CSGALNACT1: variants seen among roughly 807,000 people sequenced by gnomAD.
CSGALNACT1 encodes the protein chondroitin sulfate N-acetylgalactosaminyltransferase 1, also known as beta4GalNAcT-1.
In CSGALNACT1, 52 loss-of-function variants were observed where a neutral mutation model predicts 51.0. The ratio of observed to expected loss-of-function variants is 1.02; its 90% confidence interval spans 0.82 to 1.29. The LOEUF is 1.29. CSGALNACT1 is among the 50% of genes most tolerant of loss of function. CSGALNACT1 has a pLI of 0.00. For missense variants in CSGALNACT1, 935 were observed against 679.2 expected (o/e 1.38, Z -4.19); for synonymous variants, 341 against 254.4 (o/e 1.34, Z -3.24).
intron 1 of CSGALNACT1, among the ~76,000 whole-genome samples, chr8:19,667,986 G>A (rs1162731661): frequency 1.3e-5 from 2 of 152,106 alleles, no homozygotes; most frequent in African/African-American, 4.8e-5. Flanking sequence ...TTGAACTGAA[G>A]GAAACCTAAC....
intron 1 of CSGALNACT1, among the ~76,000 whole-genome samples, chr8:19,744,309 A>G (rs1179114153): frequency 6.6e-6 from 1 of 152,228 alleles, no homozygotes; most frequent in African/African-American, 2.4e-5. Flanking sequence ...CCTCATGCTC[A>G]GCGGACCACA....
intron 1 of CSGALNACT1, among the ~76,000 whole-genome samples, chr8:19,729,743 C>G (rs1299125217): frequency 6.6e-6 from 1 of 152,164 alleles, no homozygotes; most frequent in East Asian, 1.9e-4. Context: ...GCCCTTCCCC[C>G]TCATTTATCC....
At chr8:19,617,441 T>C (rs1416868318) in intron 1 of CSGALNACT1, among the ~76,000 whole-genome samples, 4 of 152,192 alleles carry the variant, frequency 2.6e-5, no homozygotes, top group African/African-American at 9.7e-5. Context: ...AAGAACACCC[T>C]AACACAATGT....
chr8:19,562,187 T>C (rs1319927623), intron 3 of CSGALNACT1, among the ~76,000 whole-genome samples: 22 of 152,134 alleles, frequency 1.4e-4, no homozygotes, highest in Admixed American at 6.5e-5. Context: ...CTATATCAAA[T>C]AGAACCCAGG....
At chr8:19,440,181 G>A (rs1444023645) in intron 5 of CSGALNACT1, among the ~76,000 whole-genome samples, 1 of 152,102 alleles carries the variant, frequency 6.6e-6, no homozygotes, top group African/African-American at 2.4e-5. Flanking sequence ...GGCACCTCAG[G>A]TCCAATCTGC....
chr8:19,546,864 T>G (rs1266626808), intron 3 of CSGALNACT1, among the ~76,000 whole-genome samples: 1 of 152,172 alleles, frequency 6.6e-6, no homozygotes, highest in East Asian at 1.9e-4. Context: ...GGTCCCCGGA[T>G]CAGTGTCACA....
intron 4 of CSGALNACT1, among the ~76,000 whole-genome samples, chr8:19,471,775 C>G (rs1317308612): frequency 6.6e-6 from 1 of 152,174 alleles, no homozygotes; most frequent in Non-Finnish European, 1.5e-5. Flanking sequence ...AGTGAGAAAA[C>G]TCAACGGAAG....
At chr8:19,694,475 T>C (rs2061488002) in intron 1 of CSGALNACT1, among the ~76,000 whole-genome samples, 1 of 152,198 alleles carries the variant, frequency 6.6e-6, no homozygotes. Context: ...TTAAACAAAA[T>C]AGAGAAAATT....
At chr8:19,600,499 T>C (rs2050172972) in intron 2 of CSGALNACT1, among the ~76,000 whole-genome samples, 1 of 152,104 alleles carries the variant, frequency 6.6e-6, no homozygotes, top group African/African-American at 2.4e-5. Flanking sequence ...TCCAAGTAAT[T>C]CTCAAAAACA....
rs138619425 is a variant in CSGALNACT1 at position 19,712,006 on chromosome 8, C to T, written c.-297+45844G>A. Among the ~76,000 whole-genome samples the T allele has an allele frequency of 1.1e-4, 17 of 152,120 alleles. No homozygotes were observed. In the East Asian group the frequency reaches 2.9e-3, roughly 26 times the overall value. ...TCACAGAAATAATAAGTGGTGAAGC[C>T]GGGGTTAGAACTCAGAGCTCTTTTA... On this transcript the variant is annotated intron_variant, in intron 1 of 1. Coordinates refer to the CSGALNACT1 transcript ENST00000517494.
At chr8:19,636,963 G>GCAGA (rs1294165942) in intron 1 of CSGALNACT1, among the ~76,000 whole-genome samples, 1 of 152,010 alleles carries the variant, frequency 6.6e-6, no homozygotes, top group Non-Finnish European at 1.5e-5. Context: ...GCCAAGGAAG[G>GCAGA]CAGATCACCT....
intron 3 of CSGALNACT1, among the ~76,000 whole-genome samples, chr8:19,544,955 G>GA (rs975777858): frequency 4.6e-5 from 7 of 151,122 alleles, no homozygotes; most frequent in African/African-American, 1.7e-4. Context: ...AGTTTTCAAA[G>GA]AAAAAATGGG....
intron 1 of CSGALNACT1, among the ~76,000 whole-genome samples, chr8:19,670,656 A>C (rs1225492989): frequency 3.5e-5 from 5 of 141,904 alleles, no homozygotes; most frequent in African/African-American, 1.3e-4. Flanking sequence ...AAGACAAAAA[A>C]AAAAAAAAAA....
chr8:19,412,157 C>G lies in CSGALNACT1; in HGVS notation c.1228-3463G>C, dbSNP rs1350803916. 3.9e-5 allele frequency among the ~76,000 whole-genome samples: 6 copies of G among 152,244 alleles called. No homozygotes were observed. The East Asian group carries it at 1.2e-3, about 29-fold the overall frequency. ...CTGCTATCCTCATTTTCTAAAATGT[C>G]CTCTGATAGCTGGCCTCCTCTCAAC... On this transcript the variant is annotated intron_variant, in intron 8 of 9. Transcript: ENST00000454498.
intron 1 of CSGALNACT1, among the ~76,000 whole-genome samples, chr8:19,710,419 T>A (rs1348604774): frequency 6.6e-6 from 1 of 152,186 alleles, no homozygotes; most frequent in Non-Finnish European, 1.5e-5. Context: ...ATAGATCGCC[T>A]TAACAACGCT....
intron 1 of CSGALNACT1, among the ~76,000 whole-genome samples, chr8:19,656,434 G>A (rs577960937): frequency 6.6e-6 from 1 of 152,000 alleles, no homozygotes; most frequent in Non-Finnish European, 1.5e-5. Context: ...AAGAAACTTA[G>A]CAGTAGCAAA....
intron 2 of CSGALNACT1, among the ~76,000 whole-genome samples, chr8:19,598,502 G>A (rs1308228477): frequency 6.6e-6 from 1 of 152,112 alleles, no homozygotes; most frequent in African/African-American, 2.4e-5. Flanking sequence ...TTTCAAATAG[G>A]AGCAACTTGC....
intron 1 of CSGALNACT1, among the ~76,000 whole-genome samples, chr8:19,666,829 GAGAGAAAGAAAGAA>G (rs1399650082): frequency 8.3e-4 from 29 of 34,916 alleles, no homozygotes; most frequent in South Asian, 2.4e-3. Flanking sequence ...GAGAGAGAGA[GAGAGAAAGAAAGAA>G]AGAAAGAAAG....
intron 1 of CSGALNACT1, among the ~76,000 whole-genome samples, chr8:19,641,124 T>G (rs2056688417): frequency 7.3e-6 from 1 of 136,436 alleles, no homozygotes; most frequent in African/African-American, 2.8e-5. Flanking sequence ...TAATGGTGAC[T>G]GGTCTTTTTT....
Sources: allele counts gnomAD v4.1 joint callset (sites outside exome capture counted in the v4.1 genomes callset), GRCh38; gene constraint gnomAD v4.1.1; transcripts MANE v1.5; gene names NCBI Gene and HGNC (gene_info 2026-07-23, HGNC 2026-07-21).